Variants in MCTP2 observed in about 807,000 individuals in gnomAD.
MCTP2 encodes multiple C2 and transmembrane domain containing 2.
Under a neutral mutation model 111.6 loss-of-function variants are expected in MCTP2, and 132 were observed. That is an observed-to-expected ratio of 1.18 (90% CI 1.03 to 1.37). MCTP2 has a LOEUF of 1.37. Among genes scored for constraint, MCTP2 ranks in the 40% most tolerant of loss-of-function variants. MCTP2 has a pLI of 0.00. For synonymous variants in MCTP2, 395 were observed against 387.7 expected, an observed-to-expected ratio of 1.02 and a Z score of -0.22; for missense variants, 1,183 against 1,067.9, an observed-to-expected ratio of 1.11 and a Z score of -1.50.
chr15:94,293,765 A>C (rs991606550), intron 1 of MCTP2, among the ~76,000 whole-genome samples: 2 of 152,208 alleles, frequency 1.3e-5, no homozygotes, highest in African/African-American at 4.8e-5. Flanking sequence ...TGTTGGCGGG[A>C]ATGCAAATTG....
intron 1 of MCTP2, among the ~76,000 whole-genome samples, chr15:94,268,957 A>T (rs2073756223): frequency 6.6e-6 from 1 of 152,178 alleles, no homozygotes; most frequent in Non-Finnish European, 1.5e-5. Context: ...CTTTAATAAC[A>T]TTATTTTTAA....
intron 20 of MCTP2, among the ~76,000 whole-genome samples, chr15:94,467,906 A>G (rs2073532691): frequency 6.6e-6 from 1 of 152,174 alleles, no homozygotes; most frequent in Non-Finnish European, 1.5e-5. Context: ...GAAATTCAGA[A>G]TAACAAAGAT....
chr15:94,386,360 C>G (rs1405330309), intron 14 of MCTP2, among the ~76,000 whole-genome samples: 1 of 152,168 alleles, frequency 6.6e-6, no homozygotes, highest in African/African-American at 2.4e-5. Context: ...TCCAAGCTAT[C>G]TGTGGATTTT....
At chr15:94,477,071 G>C (rs757323458) in intron 22 of MCTP2, among the ~76,000 whole-genome samples, 6 of 152,200 alleles carry the variant, frequency 3.9e-5, no homozygotes, top group Non-Finnish European at 7.3e-5. Context: ...TCGATTGCTT[G>C]CCTCCCTAAA....
At chr15:94,323,258 G>T (rs1285075132) in intron 4 of MCTP2, among the ~76,000 whole-genome samples, 1 of 152,146 alleles carries the variant, frequency 6.6e-6, no homozygotes, top group Non-Finnish European at 1.5e-5. Context: ...GGGTAATGTT[G>T]TATAGTTGCC....
At chr15:94,261,098 C>T (rs561340640) in intron 1 of MCTP2, among the ~76,000 whole-genome samples, 6 of 152,256 alleles carry the variant, frequency 3.9e-5, no homozygotes, top group Admixed American at 1.3e-4. Flanking sequence ...GACCTGGAAG[C>T]TCCCCTGCCT....
chr15:94,243,908 T>C (rs977618603), intron 1 of MCTP2, among the ~76,000 whole-genome samples: 1 of 128,266 alleles, frequency 7.8e-6, no homozygotes, highest in Non-Finnish European at 1.8e-5. Flanking sequence ...TACACATACA[T>C]ATGTGTATAT....
At chr15:94,367,519 T>G in intron 10 of MCTP2, 86 bp from the exon 11 acceptor site, 2 of 1,080,590 alleles carry the variant, frequency 1.9e-6, no homozygotes, top group Non-Finnish European at 2.7e-6. Context: ...TGGGGGATGA[T>G]GAAATCAAAG....
At chr15:94,305,992 G>GCATA (rs2075861489) in intron 2 of MCTP2, among the ~76,000 whole-genome samples, 1 of 152,074 alleles carries the variant, frequency 6.6e-6, no homozygotes, top group African/African-American at 2.4e-5. Context: ...TTTAGAAAAT[G>GCATA]CATACGGTCT....
chr15:94,240,495 C>T (rs2070868865), intron 1 of MCTP2, among the ~76,000 whole-genome samples: 1 of 152,142 alleles, frequency 6.6e-6, no homozygotes, highest in Non-Finnish European at 1.5e-5. Flanking sequence ...TTCAGAAATT[C>T]CTCTACCTCC....
intron 9 of MCTP2, 123 bp downstream of exon 9, chr15:94,356,424 T>G: frequency 4.6e-6 from 4 of 868,944 alleles, no homozygotes; most frequent in Non-Finnish European, 6.5e-6. Context: ...CTAACTATAT[T>G]AAAGAGCAGA....
intron 4 of MCTP2, among the ~76,000 whole-genome samples, chr15:94,334,789 C>G (rs11631988): frequency 0.42 from 63,541 of 151,920 alleles, 14,061 homozygotes; most frequent in Admixed American, 0.51. Context: ...CTCAAGTGAT[C>G]CTCCTGCCTT....
chr15:94,336,106 T>G (rs1292598849), intron 4 of MCTP2, among the ~76,000 whole-genome samples: 1 of 152,244 alleles, frequency 6.6e-6, no homozygotes, highest in Admixed American at 6.5e-5. Context: ...TACAACTTTA[T>G]TTCTCATTAT....
At chr15:94,245,356 G>T (rs116967981) in intron 1 of MCTP2, among the ~76,000 whole-genome samples, 1 of 111,212 alleles carries the variant, frequency 9.0e-6, no homozygotes, top group African/African-American at 3.1e-5. Context: ...ACATACATAT[G>T]TATATATATT....
At chr15:94,401,083 G>A (rs1162458156) in intron 16 of MCTP2, among the ~76,000 whole-genome samples, 4 of 152,146 alleles carry the variant, frequency 2.6e-5, no homozygotes, top group Non-Finnish European at 4.4e-5. Context: ...CTGCAACTGG[G>A]AGAGAGACAT....
intron 1 of MCTP2, among the ~76,000 whole-genome samples, chr15:94,268,246 A>G (rs1477835592): frequency 7.0e-6 from 1 of 143,248 alleles, no homozygotes; most frequent in African/African-American, 2.6e-5. Flanking sequence ...CATTGGCACA[A>G]TCTCGGCCAC....
intron 1 of MCTP2, among the ~76,000 whole-genome samples, chr15:94,258,662 CA>C (rs1284395724): frequency 6.6e-6 from 1 of 151,974 alleles, no homozygotes; most frequent in East Asian, 1.9e-4. Context: ...ACCAAAAAAC[CA>C]AAAAAATCTT....
At chr15:94,336,222 C>T (rs984062631) in intron 4 of MCTP2, among the ~76,000 whole-genome samples, 1 of 152,158 alleles carries the variant, frequency 6.6e-6, no homozygotes, top group Non-Finnish European at 1.5e-5. Flanking sequence ...GCACATGCCT[C>T]CTACTGGAAT....
At chr15:94,245,549 T>C (rs1490101349) in intron 1 of MCTP2, among the ~76,000 whole-genome samples, 1 of 143,718 alleles carries the variant, frequency 7.0e-6, no homozygotes, top group Non-Finnish European at 1.5e-5. Flanking sequence ...TGTATATATT[T>C]ATATATGTAT....
Sources: allele counts gnomAD v4.1 joint callset (sites outside exome capture counted in the v4.1 genomes callset), GRCh38; gene constraint gnomAD v4.1.1; transcripts MANE v1.5; gene names NCBI Gene and HGNC (gene_info 2026-07-23, HGNC 2026-07-21).